The following HYCC1 variants were observed in gnomAD, a reference collection of about 807,000 sequenced individuals.
HYCC1 encodes the protein hyccin.
the HYCC1 span, among the ~76,000 whole-genome samples, chr7:23,006,782 A>AC: frequency 2.0e-5 from 3 of 152,220 alleles, no homozygotes; most frequent in Non-Finnish European, 4.4e-5. Flanking sequence ...AACTATGAAA[A>AC]GACTCTTTGT....
the HYCC1 span, chr7:22,939,645 G>A: frequency 3.3e-5 from 5 of 152,138 alleles, no homozygotes; most frequent in Admixed American, 2.0e-4. Context: ...TGGGGTGAGT[G>A]AATTTTAAAT....
At chr7:22,936,460 C>G in the HYCC1 span, 1 of 152,252 alleles carries the variant, frequency 6.6e-6, no homozygotes, top group Admixed American at 6.5e-5. Flanking sequence ...AAGAGATTTA[C>G]TGATATCCTC....
At chr7:22,990,617 C>T in the HYCC1 span, among the ~76,000 whole-genome samples, 1 of 152,220 alleles carries the variant, frequency 6.6e-6, no homozygotes, top group Non-Finnish European at 1.5e-5. Context: ...AAAGGTCATA[C>T]ACCCCTTATA....
the HYCC1 span, chr7:22,934,989 C>T: frequency 3.3e-5 from 5 of 152,226 alleles, no homozygotes; most frequent in Non-Finnish European, 5.9e-5. Context: ...GGGAACATTC[C>T]GGTAATCCAA....
chr7:22,988,170 A>G, the HYCC1 span, among the ~76,000 whole-genome samples: 1 of 152,216 alleles, frequency 6.6e-6, no homozygotes, highest in African/African-American at 2.4e-5. Context: ...AATTATCAGG[A>G]ATGCCTACCA....
chr7:22,953,204 T>C, the HYCC1 span, among the ~76,000 whole-genome samples: 1 of 151,838 alleles, frequency 6.6e-6, no homozygotes, highest in Non-Finnish European at 1.5e-5. Flanking sequence ...TTTATGATTA[T>C]TACAGATCCT....
At chr7:22,967,001 T>C in the HYCC1 span, among the ~76,000 whole-genome samples, 3 of 152,240 alleles carry the variant, frequency 2.0e-5, no homozygotes, top group Non-Finnish European at 4.4e-5. Flanking sequence ...AATTTTACTT[T>C]CTTACATCTC....
chr7:22,956,090 C>T, the HYCC1 span, among the ~76,000 whole-genome samples: 1 of 151,546 alleles, frequency 6.6e-6, no homozygotes, highest in African/African-American at 2.4e-5. Context: ...CTTCTCTAAA[C>T]TTATTGAATG....
At chr7:22,988,056 T>C in the HYCC1 span, among the ~76,000 whole-genome samples, 1 of 152,314 alleles carries the variant, frequency 6.6e-6, no homozygotes, top group Non-Finnish European at 1.5e-5. Flanking sequence ...TATATTCTAT[T>C]ACCTCTGGTA....
chr7:22,991,484 T>C, the HYCC1 span, among the ~76,000 whole-genome samples: 5 of 152,094 alleles, frequency 3.3e-5, no homozygotes, highest in African/African-American at 1.2e-4. Flanking sequence ...TATTTCAAAA[T>C]TGTGAAAATA....
the HYCC1 span, chr7:22,941,931 T>C: frequency 6.6e-6 from 1 of 152,178 alleles, no homozygotes; most frequent in Non-Finnish European, 1.5e-5. Context: ...TCAAATTATT[T>C]TTCTTTTTAA....
At chr7:22,916,438 T>C in the HYCC1 span, among the ~76,000 whole-genome samples, 5 of 152,104 alleles carry the variant, frequency 3.3e-5, no homozygotes, top group Admixed American at 2.6e-4. Flanking sequence ...GCTCCCACAA[T>C]AGCTCTCCCT....
At chr7:23,006,319 T>A in the HYCC1 span, among the ~76,000 whole-genome samples, 1 of 151,944 alleles carries the variant, frequency 6.6e-6, no homozygotes, top group Non-Finnish European at 1.5e-5. Context: ...CAGGCTGGAG[T>A]GCAGTGGCAC....
the HYCC1 span, chr7:22,947,171 G>A: frequency 1.8e-4 from 285 of 1,550,018 alleles, no homozygotes; most frequent in East Asian, 5.8e-3. Context: ...TTCTCTCTCC[G>A]GCCACATTTG....
At chr7:22,976,394 T>C in the HYCC1 span, 5 of 900,028 alleles carry the variant, frequency 5.6e-6, no homozygotes, top group East Asian at 1.3e-4. Context: ...TGGGGAGAGA[T>C]ACAATGTTAC....
chr7:22,934,135 C>G, the HYCC1 span: 1 of 150,560 alleles, frequency 6.6e-6, no homozygotes, highest in African/African-American at 2.4e-5. Context: ...ATTTTTATCT[C>G]TCAGTGCCAT....
the HYCC1 span, among the ~76,000 whole-genome samples, chr7:22,928,164 T>G: frequency 6.6e-6 from 1 of 152,084 alleles, no homozygotes; most frequent in Non-Finnish European, 1.5e-5. Context: ...CTCAATAAAT[T>G]AGGTATTGAT....
chr7:22,977,134 A>G, the HYCC1 span, among the ~76,000 whole-genome samples: 2 of 151,558 alleles, frequency 1.3e-5, no homozygotes. Flanking sequence ...AATACTTTCA[A>G]TAGATCTCTT....
chr7:22,913,047 C>G, the HYCC1 span, among the ~76,000 whole-genome samples: 1 of 151,814 alleles, frequency 6.6e-6, no homozygotes, highest in Non-Finnish European at 1.5e-5. Flanking sequence ...TCAATTGAAC[C>G]TAGGAGGCGG....
Sources: gnomAD v4.1 joint callset for allele counts (sites outside exome capture counted in the v4.1 genomes callset) on GRCh38, gnomAD v4.1.1 for gene constraint, MANE v1.5 for transcripts, NCBI Gene and HGNC (gene_info 2026-07-23, HGNC 2026-07-21) for gene names.